The following MB21D2 variants were observed in gnomAD, a reference collection of about 807,000 sequenced individuals.
The protein encoded by MB21D2 is nucleotidyltransferase MB21D2.
A neutral mutation model predicts 33.3 loss-of-function variants in MB21D2; 9 were observed. The ratio of observed to expected loss-of-function variants is 0.27; its 90% CI spans 0.16 to 0.47. The LOEUF (loss-of-function observed/expected upper bound fraction) is 0.47. Among genes scored for constraint, MB21D2 ranks in the 20% least tolerant of loss-of-function variants. The pLI, the probability that MB21D2 is intolerant of heterozygous loss-of-function variation, is 0.99. For synonymous variants in MB21D2, 241 were observed against 236.3 expected (o/e 1.02, Z -0.18); for missense variants, 540 against 624.6 (o/e 0.86, Z 1.44).
At chr3:192,823,246 G>A (rs948729575) in intron 1 of MB21D2, among the ~76,000 whole-genome samples, 1 of 152,172 alleles carries the variant, frequency 6.6e-6, no homozygotes, top group African/African-American at 2.4e-5. Context: ...TTTAATTCAT[G>A]TCATACAAAA....
intron 1 of MB21D2, among the ~76,000 whole-genome samples, chr3:192,852,878 T>C (rs974247326): frequency 6.6e-6 from 1 of 152,224 alleles, no homozygotes; most frequent in Non-Finnish European, 1.5e-5. Flanking sequence ...TCCAAATTAC[T>C]CCAGGTTTTC....
At chr3:192,822,337 A>C (rs2108616808) in intron 1 of MB21D2, among the ~76,000 whole-genome samples, 1 of 152,326 alleles carries the variant, frequency 6.6e-6, no homozygotes, top group East Asian at 1.9e-4. Context: ...CCCCAAAATA[A>C]GATTCAACAG....
intron 1 of MB21D2, among the ~76,000 whole-genome samples, chr3:192,841,665 C>T (rs1712575137): frequency 6.6e-6 from 1 of 152,230 alleles, no homozygotes; most frequent in Non-Finnish European, 1.5e-5. Flanking sequence ...CCAGAGCCAC[C>T]TGCTAAGCCA....
At chr3:192,828,832 G>A (rs1047428990) in intron 1 of MB21D2, among the ~76,000 whole-genome samples, 9 of 149,462 alleles carry the variant, frequency 6.0e-5, no homozygotes, top group Non-Finnish European at 1.3e-4. Flanking sequence ...TGTATTTTTT[G>A]TAGAGACGGG....
At chr3:192,835,153 TAAAA>T (rs1553857240) in intron 1 of MB21D2, among the ~76,000 whole-genome samples, 1 of 75,808 alleles carries the variant, frequency 1.3e-5, no homozygotes, top group Non-Finnish European at 3.3e-5. Flanking sequence ...AAAGTGTCTT[TAAAA>T]AAAAAAAAAA....
In MB21D2 at chr3:192,799,681, T is replaced by C. The variant is rs1711517134; in HGVS notation, c.212-31A>G. On this transcript the variant is annotated intron_variant, in intron 1 of 1. Coordinates refer to ENST00000392452, the MANE Select transcript of MB21D2 (RefSeq NM_178496.4). This position sits in a 1 kb window ranked among gnomAD's most constrained non-coding sequence, Gnocchi z 4.1. ...AATAAAGAAGAAAAAAACAACACTATTACAGGAAACACAGACATAAGAGTC... is the reference window on the plus strand; with the variant it reads ...AATAAAGAAGAAAAAAACAACACTACTACAGGAAACACAGACATAAGAGTC... 1 of 1,588,926 alleles carries C rather than the reference T, an allele frequency of 6.3e-7. No homozygotes were observed. Among genetic ancestry groups the C allele is most frequent in the African/African-American group, 1.4e-5 (1 of 73,750 alleles).
chr3:192,876,044 A>G (rs1713420911), intron 1 of MB21D2, among the ~76,000 whole-genome samples: 1 of 152,096 alleles, frequency 6.6e-6, no homozygotes, highest in African/African-American at 2.4e-5. Context: ...CTCATGTGTA[A>G]ATTAAAGGTC....
chr3:192,864,033 T>G (rs1577187880), intron 1 of MB21D2, among the ~76,000 whole-genome samples: 3 of 152,140 alleles, frequency 2.0e-5, no homozygotes, highest in South Asian at 4.2e-4. Flanking sequence ...TGTCTTTACA[T>G]CAGTAGTGGA....
intron 1 of MB21D2, among the ~76,000 whole-genome samples, chr3:192,810,370 T>C (rs991494396): frequency 2.6e-5 from 4 of 152,144 alleles, no homozygotes; most frequent in Non-Finnish European, 5.9e-5. Context: ...TTTGCTAAAC[T>C]AGCTTTAAAA....
chr3:192,821,059 T>G (rs373034199), intron 1 of MB21D2, among the ~76,000 whole-genome samples: 4 of 152,200 alleles, frequency 2.6e-5, no homozygotes, highest in African/African-American at 9.6e-5. Flanking sequence ...AACAGAACAT[T>G]ACGTACCCTT....
At chr3:192,882,207 C>A (rs1713612912) in intron 1 of MB21D2, among the ~76,000 whole-genome samples, 1 of 151,984 alleles carries the variant, frequency 6.6e-6, no homozygotes, top group African/African-American at 2.4e-5. Flanking sequence ...CTCACTGCAA[C>A]CTCCACCTCC....
intron 1 of MB21D2, among the ~76,000 whole-genome samples, chr3:192,815,496 C>T (rs1051467876): frequency 1.3e-5 from 2 of 152,156 alleles, no homozygotes; most frequent in Non-Finnish European, 1.5e-5. Context: ...TTGAGTCTGC[C>T]TCTCTCTCAA....
chr3:192,906,499 CACCTG>C (rs149390423), intron 1 of MB21D2, among the ~76,000 whole-genome samples: 44 of 152,322 alleles, frequency 2.9e-4, no homozygotes, highest in African/African-American at 1.0e-3. Context: ...AGGGCCTTTA[CACCTG>C]CTGTCTGTCT....
intron 1 of MB21D2, among the ~76,000 whole-genome samples, chr3:192,850,905 C>T (rs2108629346): frequency 6.6e-6 from 1 of 152,308 alleles, no homozygotes; most frequent in African/African-American, 2.4e-5. Flanking sequence ...GTCTTCTATC[C>T]TGTGACTCAC....
At chr3:192,885,831 G>C (rs1308351713) in intron 1 of MB21D2, among the ~76,000 whole-genome samples, 1 of 152,048 alleles carries the variant, frequency 6.6e-6, no homozygotes, top group Non-Finnish European at 1.5e-5. Context: ...TAACTCTTTG[G>C]AACTTCACCT....
At chr3:192,870,238 C>T (rs911684136) in intron 1 of MB21D2, among the ~76,000 whole-genome samples, 2 of 152,122 alleles carry the variant, frequency 1.3e-5, no homozygotes, top group Non-Finnish European at 2.9e-5. Context: ...GGATTCCTGA[C>T]TGTGTCTCTC....
intron 1 of MB21D2, among the ~76,000 whole-genome samples, chr3:192,817,224 G>C (rs1438390660): frequency 1.3e-5 from 2 of 152,208 alleles, no homozygotes; most frequent in African/African-American, 4.8e-5. Context: ...GGGAGGATCT[G>C]TGTTTGAGTC....
At chr3:192,881,825 G>A (rs1713602731) in intron 1 of MB21D2, among the ~76,000 whole-genome samples, 4 of 152,258 alleles carry the variant, frequency 2.6e-5, no homozygotes, top group Non-Finnish European at 2.9e-5. Flanking sequence ...TGAGCAAAAC[G>A]AAGCGGCATC....
At chr3:192,913,862 A>G (rs1216488654) in intron 1 of MB21D2, among the ~76,000 whole-genome samples, 2 of 152,124 alleles carry the variant, frequency 1.3e-5, no homozygotes, top group Non-Finnish European at 2.9e-5. Context: ...CTAAGACCAC[A>G]AAGCCAACAA....
Sources: gnomAD v4.1 joint callset for allele counts (sites outside exome capture counted in the v4.1 genomes callset) on GRCh38, gnomAD v4.1.1 for gene constraint, Gnocchi (gnomAD v3.1) non-coding constraint, MANE v1.5 for transcripts, NCBI Gene and HGNC (gene_info 2026-07-23, HGNC 2026-07-21) for gene names.